The following ESRRG variants were observed in gnomAD, a reference collection of about 807,000 sequenced individuals.
The protein encoded by ESRRG is estrogen related receptor gamma.
Under a neutral mutation model 44.0 loss-of-function variants are expected in ESRRG, and 13 were observed. The observed-to-expected ratio is 0.30, with a 90% CI of 0.19 to 0.47. The LOEUF (loss-of-function observed/expected upper bound fraction) is 0.47. Ranked by LOEUF, ESRRG falls within the 20% of genes least tolerant of loss-of-function variation. The pLI is 1.00. For missense variants in ESRRG, 395 were observed against 580.6 expected, an observed-to-expected ratio of 0.68 and a Z score of 3.29; for synonymous variants, 215 against 214.6, an observed-to-expected ratio of 1.00 and a Z score of -0.02.
intron 6 of ESRRG, among the ~76,000 whole-genome samples, chr1:216,509,283 T>C (rs2042055385): frequency 6.6e-6 from 1 of 152,234 alleles, no homozygotes; most frequent in Non-Finnish European, 1.5e-5. Context: ...AGCTGTCTTC[T>C]TTACAACATT....
At chr1:216,732,579 G>A (rs570992685) in intron 2 of ESRRG, among the ~76,000 whole-genome samples, 1 of 151,886 alleles carries the variant, frequency 6.6e-6, no homozygotes, top group Non-Finnish European at 1.5e-5. Flanking sequence ...ATTTCACCAT[G>A]TTGGACAGGC....
intron 5 of ESRRG, among the ~76,000 whole-genome samples, chr1:216,540,414 G>A (rs2052357658): frequency 6.6e-6 from 1 of 151,784 alleles, no homozygotes; most frequent in Non-Finnish European, 1.5e-5. Context: ...CATAGACAAG[G>A]GACCTTATTT....
Position 216,906,858 on chromosome 1 carries a change from G to T in ESRRG, c.-14+32724C>A, listed in dbSNP as rs571331333. On this transcript the variant is annotated intron_variant, in intron 2 of 7. Transcript: ENST00000359162. Reference sequence around the variant, plus strand: ...TTATTTTTGTACATTTAGAGATAAAGATCATGTTTCTAAAACAAGAAATGA... The same window carrying T: ...TTATTTTTGTACATTTAGAGATAAATATCATGTTTCTAAAACAAGAAATGA... Among the ~76,000 whole-genome samples, 3 of 152,270 alleles carry T rather than the reference G, an allele frequency of 2.0e-5. No homozygotes were observed. In the East Asian group the frequency reaches 5.8e-4, roughly 29 times the overall value.
At chr1:216,621,714 G>A (rs1301289274) in intron 3 of ESRRG, among the ~76,000 whole-genome samples, 2 of 152,132 alleles carry the variant, frequency 1.3e-5, no homozygotes, top group African/African-American at 2.4e-5. Context: ...GCAGACTGAT[G>A]GCATATGGGG....
At chr1:216,827,237 G>T (rs1261168420) in intron 2 of ESRRG, among the ~76,000 whole-genome samples, 1 of 152,146 alleles carries the variant, frequency 6.6e-6, no homozygotes, top group Non-Finnish European at 1.5e-5. Context: ...AAAAATAACA[G>T]TGATATACTG....
At chr1:216,679,268 G>C (rs2076618477) in intron 1 of ESRRG, among the ~76,000 whole-genome samples, 1 of 152,142 alleles carries the variant, frequency 6.6e-6, no homozygotes, top group Non-Finnish European at 1.5e-5. Context: ...CTGCTGCCTT[G>C]TACCCGTCAC....
chr1:216,691,204 A>C (rs367625486), intron 1 of ESRRG, among the ~76,000 whole-genome samples: 15 of 152,280 alleles, frequency 9.9e-5, no homozygotes, highest in African/African-American at 3.6e-4. Context: ...GAATAAAGAA[A>C]AATGCAGGAT....
intron 2 of ESRRG, among the ~76,000 whole-genome samples, chr1:216,741,725 G>A (rs2090762368): frequency 6.6e-6 from 1 of 152,122 alleles, no homozygotes; most frequent in Non-Finnish European, 1.5e-5. Context: ...GCCTAGCTGG[G>A]CAATTGCTGT....
intron 3 of ESRRG, among the ~76,000 whole-genome samples, chr1:216,619,067 A>G (rs1182183995): frequency 6.6e-6 from 1 of 152,228 alleles, no homozygotes; most frequent in Non-Finnish European, 1.5e-5. Flanking sequence ...TACAAAAGTC[A>G]CACCAACATA....
At chr1:216,561,157 T>C (rs1409215128) in intron 5 of ESRRG, among the ~76,000 whole-genome samples, 2 of 152,214 alleles carry the variant, frequency 1.3e-5, no homozygotes, top group African/African-American at 4.8e-5. Context: ...CTATTCCATA[T>C]GTATTTTCTT....
At chr1:216,643,593 C>T (rs2066894492) in intron 3 of ESRRG, among the ~76,000 whole-genome samples, 2 of 152,234 alleles carry the variant, frequency 1.3e-5, no homozygotes, top group South Asian at 4.2e-4. Flanking sequence ...TACCATTTGA[C>T]CTTCATGACT....
intron 2 of ESRRG, among the ~76,000 whole-genome samples, chr1:216,737,995 CTTTTTT>C (rs144453643): frequency 2.6e-4 from 31 of 119,636 alleles, no homozygotes; most frequent in Non-Finnish European, 1.9e-4. Context: ...TGAGACATCA[CTTTTTT>C]TTTTTTTTTT....
Position 216,506,699 on chromosome 1 carries a change from A to T in ESRRG, c.*240T>A, listed in dbSNP as rs1558137839. On this transcript the variant is annotated 3_prime_UTR_variant, in exon 7 of 7. Coordinates refer to ENST00000408911, the MANE Select transcript of ESRRG (RefSeq NM_001438.4). ...AGGTGAAAGAAGAAAAGGAGAAAAA[A>T]TAAAGAGAAAGAGAAATGTGGGAAG... The T allele has an allele frequency of 5.0e-6, 3 of 605,474 alleles. No homozygotes were observed. The East Asian group carries it at 9.9e-5, about 20-fold the overall frequency. 37.5% of individuals were successfully genotyped at this position (605,474 alleles called of 1,614,324 possible). A position where few individuals can be genotyped will look rare whatever the true frequency, so the allele number is the denominator to read the frequency against.
intron 1 of ESRRG, among the ~76,000 whole-genome samples, chr1:217,074,400 A>T (rs1038396878): frequency 6.6e-6 from 1 of 151,170 alleles, no homozygotes; most frequent in Non-Finnish European, 1.5e-5. Context: ...AGAATTACAC[A>T]TAAAATGTGC....
chr1:216,810,569 T>A (rs191637784), intron 2 of ESRRG, among the ~76,000 whole-genome samples: 2 of 147,452 alleles, frequency 1.4e-5, no homozygotes, highest in Admixed American at 1.4e-4. Context: ...AATATATATA[T>A]TATATATATT....
intron 2 of ESRRG, among the ~76,000 whole-genome samples, chr1:216,658,003 G>C (rs1364200062): frequency 6.6e-6 from 1 of 152,132 alleles, no homozygotes; most frequent in African/African-American, 2.4e-5. Flanking sequence ...AAATAGGAAT[G>C]GATGATGCTT....
upstream of ESRRG, among the ~76,000 whole-genome samples, chr1:217,094,425 G>A (rs544195005): frequency 8.6e-5 from 13 of 151,824 alleles, no homozygotes; most frequent in South Asian, 2.7e-3. Context: ...ATCAGAATGA[G>A]ACTTTTTGCA....
At chr1:216,797,900 T>G (rs1208411905) in intron 2 of ESRRG, among the ~76,000 whole-genome samples, 1 of 151,912 alleles carries the variant, frequency 6.6e-6, no homozygotes, top group African/African-American at 2.4e-5. Context: ...GACTGGGGAG[T>G]CATGTTCCAC....
chr1:216,530,308 A>ATCTG (rs1477463374), intron 5 of ESRRG, among the ~76,000 whole-genome samples: 1 of 132,756 alleles, frequency 7.5e-6, no homozygotes. Flanking sequence ...ATTAAGGTCT[A>ATCTG]TCTATCTATC....
Sources: allele counts gnomAD v4.1 joint callset (sites outside exome capture counted in the v4.1 genomes callset), GRCh38; gene constraint gnomAD v4.1.1; transcripts MANE v1.5; gene names NCBI Gene and HGNC (gene_info 2026-07-23, HGNC 2026-07-21).